Variants in LRRC7 observed in about 807,000 individuals in gnomAD.
LRRC7 encodes leucine-rich repeat-containing protein 7.
In LRRC7, 23 loss-of-function variants were observed where a neutral mutation model predicts 175.7. That is an observed-to-expected ratio of 0.13 (90% CI 0.09 to 0.19). The LOEUF is 0.19. Ranked by LOEUF, LRRC7 falls within the 10% of genes least tolerant of loss-of-function variation. The probability of loss-of-function intolerance (pLI) is 1.00; values close to 1 mark genes in which losing one functional copy is unlikely to be tolerated. For missense variants in LRRC7, 1,354 were observed against 1,904.7 expected (o/e 0.71, Z 5.38); for synonymous variants, 685 against 680.9 (o/e 1.01, Z -0.09).
intron 7 of LRRC7, chr1:69,874,194 A>T (rs535197416): frequency 6.6e-6 from 1 of 152,166 alleles, no homozygotes; most frequent in African/African-American, 2.4e-5. Flanking sequence ...TTAATTAACC[A>T]TATTGGCTTT....
At chr1:69,761,674 A>G (rs1432842353) in intron 3 of LRRC7, among the ~76,000 whole-genome samples, 1 of 152,028 alleles carries the variant, frequency 6.6e-6, no homozygotes, top group Non-Finnish European at 1.5e-5. Context: ...TTGCACATCA[A>G]CTAAAGCCTG....
chr1:69,881,197 A>G (rs890691589), intron 7 of LRRC7, among the ~76,000 whole-genome samples: 17 of 152,220 alleles, frequency 1.1e-4, no homozygotes, highest in African/African-American at 4.1e-4. Flanking sequence ...GCTTTGTGCA[A>G]AGTTAGATTT....
intron 25 of LRRC7, among the ~76,000 whole-genome samples, chr1:70,104,837 C>G (rs1665035691): frequency 6.6e-6 from 1 of 152,124 alleles, no homozygotes; most frequent in Non-Finnish European, 1.5e-5. Context: ...GATATGATGA[C>G]CTTAATTCAG....
intron 1 of LRRC7, among the ~76,000 whole-genome samples, chr1:69,658,253 A>T (rs549127711): frequency 1.3e-5 from 2 of 152,074 alleles, no homozygotes; most frequent in East Asian, 3.9e-4. Flanking sequence ...ATTTTAAATA[A>T]TTCATATTAG....
At chr1:70,037,096 C>T (rs1202006089) in intron 20 of LRRC7, among the ~76,000 whole-genome samples, 1 of 152,092 alleles carries the variant, frequency 6.6e-6, no homozygotes, top group Non-Finnish European at 1.5e-5. Context: ...TTCCAAAATG[C>T]CTCCTCCTCT....
intron 8 of LRRC7, 50 bp from the exon 9 acceptor site, chr1:69,980,329 A>G: frequency 1.4e-6 from 2 of 1,396,990 alleles, no homozygotes; most frequent in South Asian, 2.4e-5. Flanking sequence ...ATAAGTAAAA[A>G]CTAATTTAAT....
intron 2 of LRRC7, among the ~76,000 whole-genome samples, chr1:69,753,699 C>T (rs968395076): frequency 2.0e-5 from 3 of 151,970 alleles, no homozygotes; most frequent in African/African-American, 7.2e-5. Flanking sequence ...TACTTTAAAT[C>T]ATAGACTTGG....
At chr1:69,758,792 A>G (rs1670716199) in intron 2 of LRRC7, among the ~76,000 whole-genome samples, 2 of 152,104 alleles carry the variant, frequency 1.3e-5, no homozygotes, top group South Asian at 4.1e-4. Context: ...AATTTGCTAG[A>G]TAATGATTGT....
intron 1 of LRRC7, among the ~76,000 whole-genome samples, chr1:69,600,279 C>T (rs941426939): frequency 6.6e-6 from 1 of 152,028 alleles, no homozygotes; most frequent in South Asian, 2.1e-4. Context: ...TTAGTTTTTA[C>T]CTAGCATCCT....
chr1:69,825,773 A>C lies in LRRC7; in HGVS notation c.447A>C (p.Ile149=). Residue 149 remains isoleucine (I), a synonymous_variant, in exon 5 of 27, where the codon ATA becomes ATC. Transcript: ENST00000651989. The part of the protein sequence containing the change: ...KNGVQEFPEN[I]KCCKCLTIIE... ...GTGTACAAGAATTTCCAGAAAACAT[A>C]AAGTGCTGTAAGTGTTTAACAATTA... 1 of 1,605,612 alleles carries C rather than the reference A, an allele frequency of 6.2e-7. No individual in the cohort carries two copies.
rs368523075 is a variant in LRRC7 at position 70,076,534 on chromosome 1, A to G, written c.4452+236A>G. On this transcript the variant is annotated intron_variant, in intron 24 of 26. Transcript: ENST00000651989. Reference sequence around the variant, plus strand: ...ACAAAAGGAAAAATTGATGGGGCAGAATAGTTTTTCCAGTACCATCCTACA... The same window carrying G: ...ACAAAAGGAAAAATTGATGGGGCAGGATAGTTTTTCCAGTACCATCCTACA... Among the ~76,000 whole-genome samples, 5 of 152,232 alleles carry G rather than the reference A, an allele frequency of 3.3e-5. 1 individual carries two copies. Among genetic ancestry groups the G allele is most frequent in the African/African-American group, 2.4e-5 (1 of 41,538 alleles).
At chr1:70,015,773 G>T (rs1019541306) in intron 13 of LRRC7, among the ~76,000 whole-genome samples, 1 of 152,084 alleles carries the variant, frequency 6.6e-6, no homozygotes, top group Non-Finnish European at 1.5e-5. Flanking sequence ...TTACCCCTTT[G>T]AATATCTACT....
intron 1 of LRRC7, among the ~76,000 whole-genome samples, chr1:69,616,209 T>G (rs562738183): frequency 3.9e-5 from 6 of 152,146 alleles, no homozygotes; most frequent in African/African-American, 1.2e-4. Context: ...GTAAATAAAA[T>G]TTAATGTCAA....
At chr1:69,579,841 C>CCATG (rs1646121643) in intron 1 of LRRC7, among the ~76,000 whole-genome samples, 1 of 148,784 alleles carries the variant, frequency 6.7e-6, no homozygotes, top group Non-Finnish European at 1.5e-5. Context: ...CCCATGTTGC[C>CCATG]CATGCTGGTC....
At chr1:69,773,236 T>G (rs964427299) in intron 3 of LRRC7, among the ~76,000 whole-genome samples, 14 of 152,184 alleles carry the variant, frequency 9.2e-5, no homozygotes, top group Non-Finnish European at 1.0e-4. Context: ...ACCAAAGTCC[T>G]GAAGGCAAAA....
At chr1:69,870,128 G>A (rs1055907189) in intron 7 of LRRC7, among the ~76,000 whole-genome samples, 12 of 152,144 alleles carry the variant, frequency 7.9e-5, no homozygotes, top group African/African-American at 2.7e-4. Flanking sequence ...TGAATGAATG[G>A]TTGGTGAGGA....
At chr1:69,943,098 C>T (rs1648908262) in intron 8 of LRRC7, among the ~76,000 whole-genome samples, 2 of 152,070 alleles carry the variant, frequency 1.3e-5, no homozygotes, top group African/African-American at 4.8e-5. Flanking sequence ...CCCTAGTCTA[C>T]TACAATACCC....
Position 70,138,863 on chromosome 1 carries a change from C to G in LRRC7, c.*16976C>G, listed in dbSNP as rs1666965840. On this transcript the variant is annotated 3_prime_UTR_variant, in exon 27 of 27. Coordinates refer to ENST00000651989, the MANE Select transcript of LRRC7 (RefSeq NM_001370785.2). ...CCTGACCAGCTAGTCTTCCTCCAGG[C>G]ATCAGCTACCTGATTTTAAAGAGAC... 1.3e-5 allele frequency: 2 copies of G among 151,714 alleles called. No individual in the cohort carries two copies. Among genetic ancestry groups the G allele is most frequent in the South Asian group, 4.1e-4 (2 of 4,824 alleles). 9.4% of individuals were successfully genotyped at this position (151,714 alleles called of 1,614,324 possible).
intron 2 of LRRC7, among the ~76,000 whole-genome samples, chr1:69,736,489 G>A (rs1668127201): frequency 6.6e-6 from 1 of 152,076 alleles, no homozygotes; most frequent in African/African-American, 2.4e-5. Context: ...ATCATCAAAA[G>A]CAGGTTTTCA....
Sources: gnomAD v4.1 joint callset for allele counts (sites outside exome capture counted in the v4.1 genomes callset) on GRCh38, gnomAD v4.1.1 for gene constraint, MANE v1.5 for transcripts, NCBI Gene and HGNC (gene_info 2026-07-23, HGNC 2026-07-21) for gene names.